Variants in CDKL5 observed in about 807,000 individuals in gnomAD.
CDKL5 encodes the protein cyclin dependent kinase like 5.
CDKL5 carries 8 observed loss-of-function variants against 61.7 expected under a neutral mutation model. The observed-to-expected ratio is 0.13, with a 90% confidence interval of 0.08 to 0.23. CDKL5 has a LOEUF of 0.23. Among genes scored for constraint, CDKL5 ranks in the 10% least tolerant of loss-of-function variants. CDKL5 has a pLI of 1.00. For missense variants in CDKL5, 440 were observed against 734.5 expected, an observed-to-expected ratio of 0.60 and a Z score of 4.63; for synonymous variants, 275 against 272.3, an observed-to-expected ratio of 1.01 and a Z score of -0.10.
intron 15 of CDKL5, among the ~76,000 whole-genome samples, chrX:18,615,672 C>T (rs1926693487): frequency 8.9e-6 from 1 of 111,905 alleles, no homozygotes; most frequent in South Asian, 3.7e-4. Context: ...CTGCCTCAGC[C>T]TCCCAAAGTC....
intron 4 of CDKL5, among the ~76,000 whole-genome samples, chrX:18,565,312 G>A (rs998166658): frequency 3.6e-5 from 4 of 111,529 alleles, no homozygotes; most frequent in Non-Finnish European, 3.8e-5. Flanking sequence ...CCCAGTGTCC[G>A]CACACATATG....
chrX:18,535,860 C>G (rs753867528), intron 3 of CDKL5: 1 of 112,692 alleles, frequency 8.9e-6, no homozygotes, highest in Non-Finnish European at 1.9e-5. Flanking sequence ...CTCTCTCCAC[C>G]ATGTCCCCTC....
chrX:18,580,585 G>A (rs754635786), intron 6 of CDKL5, among the ~76,000 whole-genome samples: 1 of 111,825 alleles, frequency 8.9e-6, no homozygotes, highest in African/African-American at 3.2e-5. Flanking sequence ...CTGCCATGAA[G>A]TGGGTGGTTT....
At chrX:18,544,917 CAA>C (rs1416571948) in intron 3 of CDKL5, among the ~76,000 whole-genome samples, 1 of 111,504 alleles carries the variant, frequency 9.0e-6, no homozygotes, top group Non-Finnish European at 1.9e-5. Context: ...AAGTAGGAAA[CAA>C]TGATTTTGTT....
chrX:18,553,993 A>G (rs997911993), intron 3 of CDKL5, among the ~76,000 whole-genome samples: 1 of 110,765 alleles, frequency 9.0e-6, no homozygotes, highest in Non-Finnish European at 1.9e-5. Context: ...GTTTACATCA[A>G]TGTTTCCTGT....
At position 18,575,265 on chromosome X, in the gene CDKL5, A is replaced by G; in HGVS notation, c.146-89A>G. Reference sequence around the variant, plus strand: ...CAGAAGTACTCAAAGCAGAAGGTGAAATTGGGATGTTTTCAGTGTTCTTGG... The same window carrying G: ...CAGAAGTACTCAAAGCAGAAGGTGAGATTGGGATGTTTTCAGTGTTCTTGG... On this transcript the variant is annotated intron_variant, in intron 4 of 17. Transcript: ENST00000623535. The G allele has an allele frequency of 3.6e-6, 3 of 833,952 alleles. No homozygotes were observed. The South Asian group carries it at 6.5e-5, about 18-fold the overall frequency. The allele number at this position is 833,952 out of a possible 1,213,427, so 68.7% of individuals were successfully genotyped here.
chrX:18,452,518 C>T (rs1315350077), intron 1 of CDKL5, among the ~76,000 whole-genome samples: 9 of 108,161 alleles, frequency 8.3e-5, no homozygotes, highest in Non-Finnish European at 1.5e-4. Flanking sequence ...CTCCGACTCC[C>T]GCATTCAAGC....
At chrX:18,623,833 CTTTTTTT>C (rs375044523) in intron 16 of CDKL5, 1 of 391,855 alleles carries the variant, frequency 2.6e-6, no homozygotes. Context: ...AATAAGAGCA[CTTTTTTT>C]TTTTTTTGCA....
intron 16 of CDKL5, among the ~76,000 whole-genome samples, chrX:18,624,890 G>C (rs186962596): frequency 2.7e-3 from 300 of 111,982 alleles, no homozygotes; most frequent in Non-Finnish European, 4.5e-3. Flanking sequence ...GTTTAACAAA[G>C]CTGCATGACA....
chrX:18,595,921 G>T (rs1362977837), intron 10 of CDKL5, among the ~76,000 whole-genome samples: 1 of 111,660 alleles, frequency 9.0e-6, no homozygotes, highest in Admixed American at 9.5e-5. Flanking sequence ...TGGCCTGAGT[G>T]TTCTTCCTTA....
chrX:18,542,472 G>GCC (rs1488125934), intron 3 of CDKL5, among the ~76,000 whole-genome samples: 7 of 109,501 alleles, frequency 6.4e-5, no homozygotes, highest in Non-Finnish European at 1.3e-4. Context: ...AGAAGAGAAG[G>GCC]CTTTTGTTGG....
intron 1 of CDKL5, among the ~76,000 whole-genome samples, chrX:18,443,366 A>G (rs1455614706): frequency 9.0e-6 from 1 of 111,154 alleles, no homozygotes; most frequent in Non-Finnish European, 1.9e-5. Flanking sequence ...TTAACTTTTA[A>G]GTTTGGGGCT....
Position 18,625,261 on chromosome X carries a change from G to A in CDKL5, c.2496+14G>A, listed in dbSNP as rs1189045100. The A allele has an allele frequency of 8.3e-7, 1 of 1,207,646 alleles. No homozygotes were observed. Among genetic ancestry groups the A allele is most frequent in the Admixed American group, 2.2e-5 (1 of 45,855 alleles). On this transcript the variant is annotated intron_variant, in intron 17 of 17. Coordinates refer to ENST00000623535, the MANE Select transcript of CDKL5 (RefSeq NM_001323289.2). ...CTGCAGACCCAAGTGAGTGGATCCT[G>A]CACCACTGCTAGACTCTCCAACTCT...
chrX:18,630,814 A>G lies in CDKL5; in HGVS notation c.*2057A>G. On this transcript the variant is annotated 3_prime_UTR_variant, in exon 18 of 18. Transcript: ENST00000623535. ...GTCTTACTTCTTTCACCAGTTCAGT[A>G]CTGTTTGGGTAGCTCTGAATTCTGG... The G allele has an allele frequency of 1.3e-6, 1 of 751,548 alleles. No homozygotes were observed. The highest frequency in any genetic ancestry group is 1.6e-6 in the Non-Finnish European group (1 of 638,619). The allele number at this position is 751,548 out of a possible 1,213,427, so 61.9% of individuals were successfully genotyped here.
chrX:18,533,892 G>T (rs1314694855), intron 3 of CDKL5, among the ~76,000 whole-genome samples: 3 of 111,634 alleles, frequency 2.7e-5, no homozygotes, highest in Non-Finnish European at 5.6e-5. Context: ...TGCTCTGTAG[G>T]TTCCTCAGTC....
intron 3 of CDKL5, among the ~76,000 whole-genome samples, chrX:18,558,467 G>A (rs762472235): frequency 9.0e-6 from 1 of 111,539 alleles, no homozygotes; most frequent in African/African-American, 3.3e-5. Context: ...AATAAAGCTT[G>A]GCGTGTTACT....
At chrX:18,603,797 T>C in intron 11 of CDKL5, 105 bp from the exon 12 acceptor site, 1 of 947,307 alleles carries the variant, frequency 1.1e-6, no homozygotes, top group Non-Finnish European at 1.5e-6. Context: ...AATTAATGTT[T>C]TTAGTCTTCC....
At chrX:18,456,317 C>T (rs956196922) in intron 1 of CDKL5, among the ~76,000 whole-genome samples, 1 of 111,328 alleles carries the variant, frequency 9.0e-6, no homozygotes, top group African/African-American at 3.3e-5. Context: ...GGATTTCAGG[C>T]GTGAGCCACC....
At chrX:18,573,170 G>A (rs778483883) in intron 4 of CDKL5, among the ~76,000 whole-genome samples, 6 of 111,104 alleles carry the variant, frequency 5.4e-5, no homozygotes, top group South Asian at 3.9e-4. Context: ...GTGAGGGAGA[G>A]GGACATGAGA....
Sources: allele counts gnomAD v4.1 joint callset (sites outside exome capture counted in the v4.1 genomes callset), GRCh38; gene constraint gnomAD v4.1.1; transcripts MANE v1.5; gene names NCBI Gene and HGNC (gene_info 2026-07-23, HGNC 2026-07-21).